ATRNL1: variants seen among roughly 807,000 people sequenced by gnomAD.
ATRNL1 encodes attractin-like protein 1.
ATRNL1 carries 95 observed loss-of-function variants against 182.7 expected under a neutral mutation model. The ratio of observed to expected loss-of-function variants is 0.52; its 90% CI spans 0.44 to 0.62. The LOEUF (loss-of-function observed/expected upper bound fraction) is 0.62. Among genes scored for constraint, ATRNL1 ranks in the 20% least tolerant of loss-of-function variants. The pLI, the probability that ATRNL1 is intolerant of heterozygous loss-of-function variation, is 0.00. For synonymous variants in ATRNL1, 576 were observed against 568.3 expected, an observed-to-expected ratio of 1.01 and a Z score of -0.19; for missense variants, 1,471 against 1,679.5, an observed-to-expected ratio of 0.88 and a Z score of 2.17.
At chr10:115,825,271 G>C (rs1170639340) in intron 27 of ATRNL1, among the ~76,000 whole-genome samples, 1 of 152,094 alleles carries the variant, frequency 6.6e-6, no homozygotes, top group Non-Finnish European at 1.5e-5. Context: ...TCTCACACCA[G>C]GGCCTGTCGG....
intron 8 of ATRNL1, among the ~76,000 whole-genome samples, chr10:115,178,028 C>G (rs782315866): frequency 1.3e-5 from 2 of 150,142 alleles, no homozygotes; most frequent in Non-Finnish European, 3.0e-5. Context: ...AAGTGATCCT[C>G]CCACCTCAGC....
chr10:115,745,547 A>C (rs1555068926), intron 27 of ATRNL1, among the ~76,000 whole-genome samples: 1 of 152,140 alleles, frequency 6.6e-6, no homozygotes, highest in Non-Finnish European at 1.5e-5. Flanking sequence ...GCAATTTTCC[A>C]AAGTGTATAT....
rs79782311 is a variant in ATRNL1, at chr10:115,748,888, C to T, written c.3903+21533C>T. On this transcript the variant is annotated intron_variant, in intron 27 of 28. Transcript: ENST00000355044. The stretch of plus-strand genomic sequence containing the variant: ...TGGAAATGAACATTTTATCTAGATT[C>T]GGAATGCTTATTTATTAAATGCAAA... Among the ~76,000 whole-genome samples the T allele has an allele frequency of 3.0e-3, 452 of 151,712 alleles. 2 individuals are homozygous for T. The highest frequency in any genetic ancestry group is 0.01 in the African/African-American group (424 of 41,418).
intron 20 of ATRNL1, among the ~76,000 whole-genome samples, chr10:115,408,260 C>G (rs1844957271): frequency 6.6e-6 from 1 of 152,068 alleles, no homozygotes; most frequent in Non-Finnish European, 1.5e-5. Flanking sequence ...GCCTCGGCCT[C>G]CCAAAGTGCT....
At chr10:115,314,771 T>G (rs1335804822) in intron 17 of ATRNL1, among the ~76,000 whole-genome samples, 1 of 152,182 alleles carries the variant, frequency 6.6e-6, no homozygotes, top group African/African-American at 2.4e-5. Flanking sequence ...ATTCATAGGC[T>G]TTGTTGAGTC....
At chr10:115,505,725 A>G (rs1850077657) in intron 24 of ATRNL1, among the ~76,000 whole-genome samples, 1 of 152,098 alleles carries the variant, frequency 6.6e-6, no homozygotes, top group South Asian at 2.1e-4. Context: ...AGGAGAGAAA[A>G]AAAAACATGA....
chr10:115,763,368 G>A (rs1948779853), intron 27 of ATRNL1, among the ~76,000 whole-genome samples: 1 of 152,172 alleles, frequency 6.6e-6, no homozygotes, highest in African/African-American at 2.4e-5. Context: ...AGAAATGTAC[G>A]TATTCTCTGT....
intron 21 of ATRNL1, among the ~76,000 whole-genome samples, chr10:115,455,032 C>A (rs986503576): frequency 7.9e-5 from 12 of 152,062 alleles, no homozygotes; most frequent in Non-Finnish European, 1.6e-4. Context: ...TAGCTGTGGG[C>A]TATTCACATA....
At chr10:115,656,185 A>G (rs1171847683) in intron 26 of ATRNL1, among the ~76,000 whole-genome samples, 2 of 152,186 alleles carry the variant, frequency 1.3e-5, no homozygotes, top group Non-Finnish European at 2.9e-5. Context: ...TAAAACAAAT[A>G]CTTTGTAATG....
At chr10:115,358,262 T>A (rs1480219422) in intron 19 of ATRNL1, among the ~76,000 whole-genome samples, 4 of 151,750 alleles carry the variant, frequency 2.6e-5, no homozygotes, top group African/African-American at 9.7e-5. Flanking sequence ...ATTTTCTTCC[T>A]AAAATCATTC....
intron 8 of ATRNL1, among the ~76,000 whole-genome samples, chr10:115,174,553 T>A (rs1180446426): frequency 6.6e-6 from 1 of 151,860 alleles, no homozygotes; most frequent in South Asian, 2.1e-4. Flanking sequence ...AGTAAGTATA[T>A]CATTTATTTA....
At chr10:115,884,515 T>C (rs1354575584) in intron 28 of ATRNL1, among the ~76,000 whole-genome samples, 1 of 152,228 alleles carries the variant, frequency 6.6e-6, no homozygotes, top group Admixed American at 6.5e-5. Context: ...TAATTATCAT[T>C]GAGAACAAAT....
intron 20 of ATRNL1, among the ~76,000 whole-genome samples, chr10:115,419,531 AC>A (rs1477753448): frequency 6.6e-6 from 1 of 152,230 alleles, no homozygotes; most frequent in Non-Finnish European, 1.5e-5. Flanking sequence ...CAGGAGACTT[AC>A]TTTACGTATA....
At chr10:115,467,278 CTT>C in intron 23 of ATRNL1, 26 bp downstream of exon 23, 1 of 1,493,016 alleles carries the variant, frequency 6.7e-7, no homozygotes, top group Non-Finnish European at 9.2e-7. Flanking sequence ...TGTCATATCT[CTT>C]TTACATGTGT....
intron 26 of ATRNL1, among the ~76,000 whole-genome samples, chr10:115,666,213 G>T (rs1454277766): frequency 2.6e-5 from 4 of 152,128 alleles, no homozygotes; most frequent in Non-Finnish European, 5.9e-5. Flanking sequence ...AACTTCCAGA[G>T]TATTTTAAAG....
chr10:115,436,001 A>G (rs1846387660), intron 21 of ATRNL1, among the ~76,000 whole-genome samples: 1 of 152,150 alleles, frequency 6.6e-6, no homozygotes, highest in Admixed American at 6.6e-5. Flanking sequence ...TAGCTGTATG[A>G]GCAAGCATTT....
chr10:115,721,710 T>C (rs1458495465), intron 26 of ATRNL1, among the ~76,000 whole-genome samples: 2 of 152,204 alleles, frequency 1.3e-5, no homozygotes, highest in Non-Finnish European at 2.9e-5. Flanking sequence ...GGAGATACAA[T>C]TCAAGTTGAG....
At chr10:115,402,029 T>C (rs1844589559) in intron 20 of ATRNL1, among the ~76,000 whole-genome samples, 1 of 152,186 alleles carries the variant, frequency 6.6e-6, no homozygotes, top group Non-Finnish European at 1.5e-5. Context: ...ACACATTGTA[T>C]ACTCACAGAT....
At chr10:115,815,977 G>A (rs1555088437) in intron 27 of ATRNL1, among the ~76,000 whole-genome samples, 1 of 151,938 alleles carries the variant, frequency 6.6e-6, no homozygotes, top group African/African-American at 2.4e-5. Context: ...ATGCATTTTG[G>A]GCCTGATTAT....
Sources: allele counts gnomAD v4.1 joint callset (sites outside exome capture counted in the v4.1 genomes callset), GRCh38; gene constraint gnomAD v4.1.1; transcripts MANE v1.5; gene names NCBI Gene and HGNC (gene_info 2026-07-23, HGNC 2026-07-21).